The following ZNF385D variants were observed in gnomAD, a reference collection of about 807,000 sequenced individuals.
ZNF385D encodes the protein zinc finger protein 385D.
ZNF385D carries 15 observed loss-of-function variants against 35.8 expected under a neutral mutation model. The ratio of observed to expected loss-of-function variants is 0.42; its 90% CI spans 0.28 to 0.64. ZNF385D has a LOEUF of 0.64. Among genes scored for constraint, ZNF385D ranks in the 30% least tolerant of loss-of-function variants. The pLI is 0.23. For missense variants in ZNF385D, 474 were observed against 494.6 expected (o/e 0.96, Z 0.39); for synonymous variants, 212 against 186.8 (o/e 1.13, Z -1.10).
At chr3:21,809,862 T>C (rs1034875929) in intron 3 of ZNF385D, among the ~76,000 whole-genome samples, 2 of 151,976 alleles carry the variant, frequency 1.3e-5, no homozygotes, top group Non-Finnish European at 2.9e-5. Flanking sequence ...ATAACCTGAA[T>C]TGAGGTATAA....
chr3:22,307,762 A>AAG (rs1703313998), intron 2 of ZNF385D, among the ~76,000 whole-genome samples: 1 of 148,938 alleles, frequency 6.7e-6, no homozygotes, highest in Non-Finnish European at 1.5e-5. Context: ...AAAAAAAAAA[A>AAG]CTTTCTTTCT....
At chr3:21,499,101 A>C (rs998408708) in intron 4 of ZNF385D, among the ~76,000 whole-genome samples, 1 of 152,160 alleles carries the variant, frequency 6.6e-6, no homozygotes, top group African/African-American at 2.4e-5. Context: ...ACATAATTAC[A>C]ATTAGACCCA....
intron 2 of ZNF385D, among the ~76,000 whole-genome samples, chr3:21,624,318 A>ATGTC (rs2065080274): frequency 6.6e-6 from 1 of 152,036 alleles, no homozygotes; most frequent in African/African-American, 2.4e-5. Flanking sequence ...ACCATGTCAT[A>ATGTC]TGTCTGCTTT....
chr3:21,780,363 G>A (rs1013921341), intron 3 of ZNF385D, among the ~76,000 whole-genome samples: 1 of 151,832 alleles, frequency 6.6e-6, no homozygotes, highest in African/African-American at 2.4e-5. Context: ...GGGGATTCAT[G>A]TCACAGTTTA....
intron 3 of ZNF385D, among the ~76,000 whole-genome samples, chr3:21,770,094 G>T (rs1035351426): frequency 6.6e-6 from 1 of 152,132 alleles, no homozygotes; most frequent in Non-Finnish European, 1.5e-5. Flanking sequence ...ATTCAAGATG[G>T]ATTAAAGACT....
At chr3:22,114,733 A>G (rs1183326878) in intron 3 of ZNF385D, among the ~76,000 whole-genome samples, 2 of 152,180 alleles carry the variant, frequency 1.3e-5, no homozygotes, top group African/African-American at 2.4e-5. Context: ...GTAAATTGCT[A>G]AAGTGTGAAT....
intron 3 of ZNF385D, among the ~76,000 whole-genome samples, chr3:21,836,109 T>C (rs1020857367): frequency 6.6e-6 from 1 of 152,002 alleles, no homozygotes. Context: ...TAATTGCAGA[T>C]TATGGAAGCA....
At chr3:21,463,057 C>T (rs755635409) in intron 4 of ZNF385D, among the ~76,000 whole-genome samples, 1 of 152,030 alleles carries the variant, frequency 6.6e-6, no homozygotes, top group Non-Finnish European at 1.5e-5. Context: ...CTTTAAAATA[C>T]TGTTTCACAA....
chr3:22,331,792 A>G (rs1002951557), intron 2 of ZNF385D, among the ~76,000 whole-genome samples: 1 of 152,216 alleles, frequency 6.6e-6, no homozygotes, highest in African/African-American at 2.4e-5. Context: ...ACTAAAAAGG[A>G]AACATCTTTA....
At chr3:22,365,302 C>T (rs188713867) in intron 2 of ZNF385D, among the ~76,000 whole-genome samples, 5 of 151,656 alleles carry the variant, frequency 3.3e-5, no homozygotes, top group Non-Finnish European at 7.4e-5. Context: ...TAAACATTGT[C>T]TATTCACTGA....
At chr3:22,025,373 C>G (rs1697474039) in intron 3 of ZNF385D, among the ~76,000 whole-genome samples, 1 of 152,004 alleles carries the variant, frequency 6.6e-6, no homozygotes, top group South Asian at 2.1e-4. Flanking sequence ...CTAGAGGGTC[C>G]CTAGAGGTGA....
At chr3:21,812,581 C>T (rs967334886) in intron 3 of ZNF385D, among the ~76,000 whole-genome samples, 7 of 152,198 alleles carry the variant, frequency 4.6e-5, no homozygotes, top group Admixed American at 1.3e-4. Flanking sequence ...CCCACGCCCA[C>T]GGAGCCTTGC....
intron 1 of ZNF385D, among the ~76,000 whole-genome samples, chr3:21,680,933 G>A (rs184864898): frequency 3.3e-5 from 5 of 152,112 alleles, no homozygotes; most frequent in Admixed American, 6.6e-5. Flanking sequence ...CCCTTACATC[G>A]CAATGTTACA....
In ZNF385D at chr3:22,028,523, T is replaced by C. The variant is rs191274883; in HGVS notation, c.325+140294A>G. 1.4e-4 allele frequency among the ~76,000 whole-genome samples: 22 copies of C among 152,276 alleles called. 1 individual carries two copies. The highest frequency in any genetic ancestry group is 1.4e-3 in the Admixed American group (21 of 15,294). ...TCGGGGTGATCAGCCAGCTACCTGG[T>C]GGCAGGTTGATTATTTCGGACCTCT... On this transcript the variant is annotated intron_variant, in intron 3 of 5. Transcript: ENST00000494108.
chr3:22,036,775 A>G (rs139519477), intron 3 of ZNF385D, among the ~76,000 whole-genome samples: 12 of 149,524 alleles, frequency 8.0e-5, no homozygotes, highest in African/African-American at 3.0e-4. Flanking sequence ...AGTTTGCTAC[A>G]TATGTATACA....
At chr3:21,558,143 GT>G (rs2062808610) in intron 3 of ZNF385D, among the ~76,000 whole-genome samples, 2 of 130,726 alleles carry the variant, frequency 1.5e-5, no homozygotes. Flanking sequence ...GGTTTTTCAT[GT>G]CTCTATCTCC....
At chr3:21,630,947 A>T (rs1201378628) in intron 2 of ZNF385D, among the ~76,000 whole-genome samples, 1 of 152,142 alleles carries the variant, frequency 6.6e-6, no homozygotes, top group African/African-American at 2.4e-5. Context: ...GGAGGTGAAG[A>T]TACGATAAAA....
chr3:21,818,000 A>C (rs1245199242), intron 3 of ZNF385D, among the ~76,000 whole-genome samples: 5 of 152,204 alleles, frequency 3.3e-5, no homozygotes, highest in African/African-American at 1.2e-4. Context: ...ATGCAGCCAT[A>C]AAAAAGGATG....
chr3:21,706,772 C>T (rs1436820416), intron 1 of ZNF385D, among the ~76,000 whole-genome samples: 1 of 152,074 alleles, frequency 6.6e-6, no homozygotes, highest in Non-Finnish European at 1.5e-5. Context: ...TAACATTCCA[C>T]TTCTGAGAGA....
Sources: gnomAD v4.1 joint callset for allele counts (sites outside exome capture counted in the v4.1 genomes callset) on GRCh38, gnomAD v4.1.1 for gene constraint, MANE v1.5 for transcripts, NCBI Gene and HGNC (gene_info 2026-07-23, HGNC 2026-07-21) for gene names.